The following CNTN5 variants were observed in gnomAD, a reference collection of about 807,000 sequenced individuals.
CNTN5 encodes contactin 5.
CNTN5 carries 77 observed loss-of-function variants against 129.1 expected under a neutral mutation model. The ratio of observed to expected loss-of-function variants is 0.60; its 90% CI spans 0.50 to 0.72. The LOEUF is 0.72. CNTN5 is among the 30% of genes least tolerant of loss of function. The probability of loss-of-function intolerance (pLI) is 0.00; values close to 1 mark genes in which losing one functional copy is unlikely to be tolerated. For synonymous variants in CNTN5, 509 were observed against 465.6 expected, an observed-to-expected ratio of 1.09 and a Z score of -1.20; for missense variants, 1,478 against 1,328.8, an observed-to-expected ratio of 1.11 and a Z score of -1.75.
intron 8 of CNTN5, among the ~76,000 whole-genome samples, chr11:99,980,014 T>C (rs1334207458): frequency 6.6e-6 from 1 of 152,204 alleles, no homozygotes; most frequent in East Asian, 1.9e-4. Flanking sequence ...TAACACATAG[T>C]AAACCCCATA....
At chr11:99,035,295 G>T (rs1863655712) in intron 1 of CNTN5, among the ~76,000 whole-genome samples, 1 of 150,232 alleles carries the variant, frequency 6.7e-6, no homozygotes, top group Admixed American at 6.6e-5. Flanking sequence ...TCCGCTTGGT[G>T]CAGAGCTGAG....
In CNTN5 at chr11:99,638,981, C is replaced by T. The variant is rs79128969; in HGVS notation, c.55+82712C>T. Among the ~76,000 whole-genome samples, 138 of 152,322 alleles carry T rather than the reference C, an allele frequency of 9.1e-4. No homozygotes were observed. In the East Asian group the frequency reaches 0.024, roughly 26 times the overall value. ...TGAAGGGGCTCCAACCCCACATTTC[C>T]ATCTGTACTGCCCTAGAAGAGATTC... On this transcript the variant is annotated intron_variant, in intron 3 of 24. Transcript: ENST00000524871.
At chr11:99,389,585 A>C (rs1345329691) in intron 2 of CNTN5, among the ~76,000 whole-genome samples, 1 of 152,148 alleles carries the variant, frequency 6.6e-6, no homozygotes, top group Non-Finnish European at 1.5e-5. Flanking sequence ...CCTTACTTTC[A>C]TATAACTCTG....
At chr11:99,919,482 C>T (rs1383759184) in intron 7 of CNTN5, among the ~76,000 whole-genome samples, 2 of 152,132 alleles carry the variant, frequency 1.3e-5, no homozygotes, top group African/African-American at 4.8e-5. Flanking sequence ...TACAGTAAAA[C>T]TTCAAAAACT....
chr11:99,581,269 G>C (rs1443987778), intron 3 of CNTN5, among the ~76,000 whole-genome samples: 1 of 129,892 alleles, frequency 7.7e-6, no homozygotes, highest in Admixed American at 7.9e-5. Flanking sequence ...GTCAATTTTG[G>C]AGTAGGTGTG....
intron 1 of CNTN5, among the ~76,000 whole-genome samples, chr11:99,239,832 G>A (rs1007503650): frequency 7.9e-5 from 12 of 152,030 alleles, no homozygotes; most frequent in South Asian, 4.2e-4. Context: ...AGCTACTCGG[G>A]AGGCTGAGGC....
intron 21 of CNTN5, among the ~76,000 whole-genome samples, chr11:100,329,308 G>T (rs1565431989): frequency 1.3e-5 from 2 of 152,138 alleles, no homozygotes; most frequent in African/African-American, 2.4e-5. Flanking sequence ...CTCAGAAATG[G>T]CTATCCCTGC....
intron 3 of CNTN5, among the ~76,000 whole-genome samples, chr11:99,729,565 G>T (rs1370844623): frequency 6.6e-6 from 1 of 152,024 alleles, no homozygotes; most frequent in African/African-American, 2.4e-5. Context: ...AAACTAGAGG[G>T]CTGGTTCTAG....
chr11:99,561,490 C>A (rs1427337461), intron 3 of CNTN5, among the ~76,000 whole-genome samples: 4 of 152,082 alleles, frequency 2.6e-5, no homozygotes, highest in African/African-American at 7.2e-5. Context: ...AAATAAATAT[C>A]TCTTTTCTTA....
intron 2 of CNTN5, among the ~76,000 whole-genome samples, chr11:99,529,846 A>G (rs1385113215): frequency 6.6e-6 from 1 of 152,202 alleles, no homozygotes; most frequent in Non-Finnish European, 1.5e-5. Flanking sequence ...TATGGAAAAG[A>G]AAAAATATGA....
intron 19 of CNTN5, among the ~76,000 whole-genome samples, chr11:100,298,783 T>A (rs890384220): frequency 6.6e-6 from 1 of 151,316 alleles, no homozygotes; most frequent in Non-Finnish European, 1.5e-5. Flanking sequence ...GTCTAAAGGG[T>A]TCTGCAGAGC....
intron 15 of CNTN5, among the ~76,000 whole-genome samples, chr11:100,199,229 A>G (rs1948717601): frequency 6.6e-6 from 1 of 151,434 alleles, no homozygotes; most frequent in Non-Finnish European, 1.5e-5. Flanking sequence ...ACAAAGGCTC[A>G]CAGTCTCTTA....
At chr11:99,859,183 T>C (rs1010177143) in intron 6 of CNTN5, among the ~76,000 whole-genome samples, 23 of 152,236 alleles carry the variant, frequency 1.5e-4, no homozygotes, top group African/African-American at 5.5e-4. Flanking sequence ...CCTGAGATTA[T>C]GCTTAGTATT....
intron 1 of CNTN5, among the ~76,000 whole-genome samples, chr11:99,187,469 C>T (rs1591330699): frequency 1.3e-5 from 2 of 151,716 alleles, no homozygotes; most frequent in African/African-American, 4.8e-5. Flanking sequence ...AATAACATGT[C>T]TCCTTCCATG....
intron 2 of CNTN5, among the ~76,000 whole-genome samples, chr11:99,397,633 A>G (rs1941593311): frequency 6.6e-6 from 1 of 151,866 alleles, no homozygotes; most frequent in South Asian, 2.1e-4. Flanking sequence ...TTCATCATTA[A>G]GAGCTCTTTC....
chr11:99,263,276 C>A (rs756753586), intron 1 of CNTN5, among the ~76,000 whole-genome samples: 1 of 152,012 alleles, frequency 6.6e-6, no homozygotes, highest in Non-Finnish European at 1.5e-5. Flanking sequence ...TTACTTTTAT[C>A]CCGGAGAAAA....
chr11:99,317,700 C>T (rs903272489), intron 1 of CNTN5, among the ~76,000 whole-genome samples: 2 of 151,974 alleles, frequency 1.3e-5, no homozygotes, highest in Admixed American at 6.6e-5. Context: ...ATTTAATCTT[C>T]TTTATGATTT....
chr11:99,659,016 G>A (rs921246475), intron 3 of CNTN5, among the ~76,000 whole-genome samples: 1 of 151,746 alleles, frequency 6.6e-6, no homozygotes, highest in East Asian at 1.9e-4. Context: ...ATTTTATATT[G>A]TGCCTCCAAC....
chr11:99,135,487 C>A (rs1228659051), intron 1 of CNTN5, among the ~76,000 whole-genome samples: 1 of 152,034 alleles, frequency 6.6e-6, no homozygotes. Flanking sequence ...AGAAAGAAAG[C>A]CAGGGCGACT....
Sources: allele counts gnomAD v4.1 joint callset (sites outside exome capture counted in the v4.1 genomes callset), GRCh38; gene constraint gnomAD v4.1.1; transcripts MANE v1.5; gene names NCBI Gene and HGNC (gene_info 2026-07-23, HGNC 2026-07-21).